The following NRG3 variants were observed in gnomAD, a reference collection of about 807,000 sequenced individuals.
The protein encoded by NRG3 is pro-neuregulin-3, membrane-bound isoform.
NRG3 carries 31 observed loss-of-function variants against 66.9 expected under a neutral mutation model. That is an observed-to-expected ratio of 0.46 (90% CI 0.35 to 0.63). The LOEUF is 0.63. Ranked by LOEUF, NRG3 falls within the 20% of genes least tolerant of loss-of-function variation. The pLI, the probability that NRG3 is intolerant of heterozygous loss-of-function variation, is 0.00. For missense variants in NRG3, 910 were observed against 878.9 expected, an observed-to-expected ratio of 1.04 and a Z score of -0.45; for synonymous variants, 393 against 359.4, an observed-to-expected ratio of 1.09 and a Z score of -1.06.
At chr10:82,159,812 A>C (rs1396316086) in intron 1 of NRG3, among the ~76,000 whole-genome samples, 3 of 151,898 alleles carry the variant, frequency 2.0e-5, no homozygotes, top group African/African-American at 7.2e-5. Context: ...TACAAATAAG[A>C]AGAAGTCACT....
intron 4 of NRG3, among the ~76,000 whole-genome samples, chr10:82,934,797 A>C (rs1847905569): frequency 6.6e-6 from 1 of 152,218 alleles, no homozygotes; most frequent in African/African-American, 2.4e-5. Flanking sequence ...ACAATTTTTA[A>C]ATGTCAAAAG....
intron 1 of NRG3, among the ~76,000 whole-genome samples, chr10:82,153,301 T>C (rs374360115): frequency 5.3e-5 from 8 of 152,060 alleles, no homozygotes; most frequent in African/African-American, 1.7e-4. Flanking sequence ...AATCATACAG[T>C]ATTTGTCTCT....
intron 2 of NRG3, among the ~76,000 whole-genome samples, chr10:82,510,610 A>G (rs1260891450): frequency 6.6e-6 from 1 of 152,240 alleles, no homozygotes; most frequent in Non-Finnish European, 1.5e-5. Flanking sequence ...GGAAGGAACA[A>G]GGGGCAGAAT....
At chr10:82,376,133 A>C (rs2085216267) in intron 2 of NRG3, among the ~76,000 whole-genome samples, 2 of 152,116 alleles carry the variant, frequency 1.3e-5, no homozygotes, top group African/African-American at 4.8e-5. Context: ...CATTTCTAAC[A>C]AGGGTCTGGG....
intron 3 of NRG3, among the ~76,000 whole-genome samples, chr10:82,785,472 T>C (rs2060316431): frequency 6.6e-6 from 1 of 152,066 alleles, no homozygotes; most frequent in South Asian, 2.1e-4. Flanking sequence ...ATCAGAGTAT[T>C]GGTAGAAATT....
At position 82,951,447 on chromosome 10, in the gene NRG3, AT is replaced by A. The variant is rs1356490560; in HGVS notation, c.1055-18del. The A allele has an allele frequency of 1.9e-6, 3 of 1,584,248 alleles. No homozygotes were observed. The African/African-American group carries it at 4.0e-5, about 21-fold the overall frequency. On this transcript the variant is annotated intron_variant, in intron 4 of 8. Transcript: ENST00000372141. ...ATGCACCCCGCTAGCATCCATTCTA[AT>A]TTTGTTTTTCAAATTCACAGAGAGT...
At chr10:81,952,410 G>A (rs959031244) in intron 1 of NRG3, among the ~76,000 whole-genome samples, 8 of 151,854 alleles carry the variant, frequency 5.3e-5, no homozygotes, top group African/African-American at 1.9e-4. Flanking sequence ...TGAGAGAGAG[G>A]GAGGGGAGAG....
intron 2 of NRG3, among the ~76,000 whole-genome samples, chr10:82,481,836 A>C (rs1179847739): frequency 1.2e-4 from 18 of 152,122 alleles, no homozygotes; most frequent in Non-Finnish European, 1.5e-5. Flanking sequence ...AACACAAAAA[A>C]GTGAGCCAGG....
At chr10:81,937,020 C>T (rs757249978) in intron 1 of NRG3, among the ~76,000 whole-genome samples, 1 of 152,130 alleles carries the variant, frequency 6.6e-6, no homozygotes, top group Non-Finnish European at 1.5e-5. Flanking sequence ...AACATGAAAT[C>T]GTGAAACATT....
intron 2 of NRG3, among the ~76,000 whole-genome samples, chr10:82,611,283 T>C (rs955123335): frequency 6.6e-6 from 1 of 152,126 alleles, no homozygotes; most frequent in Non-Finnish European, 1.5e-5. Context: ...TTTATTTTAT[T>C]ATACTTTAAG....
At chr10:82,848,050 C>T (rs1036532687) in intron 3 of NRG3, among the ~76,000 whole-genome samples, 3 of 152,136 alleles carry the variant, frequency 2.0e-5, no homozygotes, top group African/African-American at 7.2e-5. Flanking sequence ...ACACAAAGCT[C>T]ACAGGGAGCT....
At chr10:81,973,854 G>A (rs988481484) in intron 1 of NRG3, among the ~76,000 whole-genome samples, 7 of 152,060 alleles carry the variant, frequency 4.6e-5, no homozygotes, top group Non-Finnish European at 1.0e-4. Context: ...CCATTCTGTA[G>A]GTTGTCTGTT....
At position 81,913,995 on chromosome 10, in the gene NRG3, C is replaced by T. The variant is rs552116924; in HGVS notation, c.823+37832C>T. Among the ~76,000 whole-genome samples, 4 of 152,240 alleles carry T rather than the reference C, an allele frequency of 2.6e-5. No homozygotes were observed. In the South Asian group the frequency reaches 8.3e-4, roughly 32 times the overall value. On this transcript the variant is annotated intron_variant, in intron 1 of 8. Transcript: ENST00000372141. Reference sequence around the variant, plus strand: ...GAGCTCTTGTGGCACTTGTATCAAGCGGTACAGCTATGCACACTCTCTAAG... The same window carrying T: ...GAGCTCTTGTGGCACTTGTATCAAGTGGTACAGCTATGCACACTCTCTAAG...
rs898813138 is a variant in NRG3 at position 81,875,252 on chromosome 10, AGCCCGC to A, written c.-71_-66del. 6.0e-4 allele frequency: 476 copies of A among 798,818 alleles called. 1 individual carries two copies. The highest frequency in any genetic ancestry group is 5.8e-3 in the African/African-American group (300 of 52,016). 49.5% of individuals were successfully genotyped at this position (798,818 alleles called of 1,614,324 possible). On this transcript the variant is annotated 5_prime_UTR_variant, in exon 1 of 9. Coordinates refer to ENST00000372141, the MANE Select transcript of NRG3 (RefSeq NM_001010848.4). This position sits in a 1 kb window ranked among gnomAD's most constrained non-coding sequence, Gnocchi z 5.3. The stretch of plus-strand genomic sequence containing the variant: ...CGCCCGAGCCCGCCGCCGCCGCCGG[AGCCCGC>A]GCCCGCGCCCGCGCCCGGCCCGCGC...
At chr10:82,323,692 A>T (rs1441211727) in intron 1 of NRG3, among the ~76,000 whole-genome samples, 1 of 151,892 alleles carries the variant, frequency 6.6e-6, no homozygotes, top group Non-Finnish European at 1.5e-5. Flanking sequence ...GTTTTTTTAA[A>T]TTACATTTAT....
At chr10:82,833,648 A>G (rs915893142) in intron 3 of NRG3, among the ~76,000 whole-genome samples, 4 of 152,206 alleles carry the variant, frequency 2.6e-5, no homozygotes, top group African/African-American at 9.6e-5. Flanking sequence ...TCCAAGACCA[A>G]GGTCTCCTAG....
chr10:82,781,224 C>T (rs527492620), intron 3 of NRG3, among the ~76,000 whole-genome samples: 14 of 152,196 alleles, frequency 9.2e-5, no homozygotes, highest in East Asian at 3.9e-4. Flanking sequence ...TATAATTGTA[C>T]GTAGAGGAGA....
At chr10:82,254,556 A>G (rs745817968) in intron 1 of NRG3, among the ~76,000 whole-genome samples, 4 of 152,174 alleles carry the variant, frequency 2.6e-5, no homozygotes, top group Non-Finnish European at 4.4e-5. Context: ...GGAGAGATGG[A>G]TGATTCTAGG....
rs200054688 is a variant in NRG3 at position 82,738,562 on chromosome 10, A to G, written c.954-15A>G. On this transcript the variant is annotated splice_polypyrimidine_tract_variant and intron_variant, in intron 2 of 8. Coordinates refer to ENST00000372141, the MANE Select transcript of NRG3 (RefSeq NM_001010848.4). ...AACCACATGCGTATGTTTGTCATTTATCCCCTTTTCTCAGGTGCAAAGAAG... is the reference window on the plus strand; with the variant it reads ...AACCACATGCGTATGTTTGTCATTTGTCCCCTTTTCTCAGGTGCAAAGAAG... 14 of 1,611,058 alleles carry G rather than the reference A, an allele frequency of 8.7e-6. No homozygotes were observed. In the Admixed American group the frequency reaches 1.8e-4, roughly 21 times the overall value.
Sources: allele counts gnomAD v4.1 joint callset (sites outside exome capture counted in the v4.1 genomes callset), GRCh38; gene constraint gnomAD v4.1.1; non-coding constraint Gnocchi (gnomAD v3.1); transcripts MANE v1.5; gene names NCBI Gene and HGNC (gene_info 2026-07-23, HGNC 2026-07-21).